JMY: variants seen among roughly 807,000 people sequenced by gnomAD.
JMY encodes the protein junction-mediating and -regulatory protein.
A neutral mutation model predicts 103.3 loss-of-function variants in JMY; 46 were observed. That is an observed-to-expected ratio of 0.45 (90% CI 0.35 to 0.57). The LOEUF (loss-of-function observed/expected upper bound fraction) is 0.57, where lower values mean the gene tolerates loss of function less well. JMY is among the 20% of genes least tolerant of loss of function. The pLI, the probability that JMY is intolerant of heterozygous loss-of-function variation, is 0.00. For missense variants in JMY, 1,238 were observed against 1,255.2 expected, an observed-to-expected ratio of 0.99 and a Z score of 0.21; for synonymous variants, 526 against 489.3, an observed-to-expected ratio of 1.07 and a Z score of -0.99.
intron 7 of JMY, among the ~76,000 whole-genome samples, chr5:79,311,221 A>G (rs920094124): frequency 2.0e-5 from 3 of 150,958 alleles, no homozygotes; most frequent in African/African-American, 7.3e-5. Flanking sequence ...CCTGGCCTCA[A>G]GCAATCCTCC....
At chr5:79,259,774 A>G (rs559258843) in intron 1 of JMY, among the ~76,000 whole-genome samples, 1 of 152,314 alleles carries the variant, frequency 6.6e-6, no homozygotes. Context: ...GATATTGAGG[A>G]AAGTCCAGGC....
intron 7 of JMY, among the ~76,000 whole-genome samples, chr5:79,309,656 A>G (rs144868619): frequency 5.3e-5 from 8 of 152,352 alleles, no homozygotes; most frequent in Non-Finnish European, 1.2e-4. Context: ...ATTCTTAGCT[A>G]ATGCTGCCCC....
intron 8 of JMY, 53 bp from the exon 9 acceptor site, chr5:79,314,204 C>T (rs989625631): frequency 1.4e-5 from 21 of 1,543,198 alleles, no homozygotes; most frequent in East Asian, 2.3e-5. Context: ...GGCATGTGCT[C>T]ATAAATTGTT....
intron 1 of JMY, among the ~76,000 whole-genome samples, chr5:79,263,975 C>G (rs940017750): frequency 4.6e-5 from 7 of 150,890 alleles, no homozygotes; most frequent in Non-Finnish European, 1.0e-4. Flanking sequence ...TTAGTAGAGA[C>G]GGGGTTTCAC....
chr5:79,275,627 C>A (rs75845781), intron 1 of JMY, among the ~76,000 whole-genome samples: 266 of 152,312 alleles, frequency 1.7e-3, no homozygotes, highest in African/African-American at 5.5e-3. Flanking sequence ...GTAGTGCCTA[C>A]AGGCAGTTGT....
rs1429588432 is a variant in JMY, at chr5:79,300,849, C to T, written c.1867C>T (p.Leu623Phe). The T allele has an allele frequency of 9.4e-6, 15 of 1,588,840 alleles. No individual in the cohort carries two copies. Among genetic ancestry groups the T allele is most frequent in the Non-Finnish European group, 1.3e-5 (15 of 1,171,768 alleles). Reference protein sequence around the residue: ...RGRVSAKKSYLRNKKEICIAK... With the variant: ...RGRVSAKKSYFRNKKEICIAK... ...ACGGGTTTCTGCCAAGAAATCCTAC[C>T]TCAGAAATAAAAAGGTATTTAAATA... The change falls in exon 6 of 11, where the codon CTC (leucine) becomes TTC (phenylalanine). Residue 623 changes from leucine to phenylalanine, a missense_variant. Transcript: ENST00000396137.
At chr5:79,289,252 AAGG>A (rs1746356304) in intron 2 of JMY, among the ~76,000 whole-genome samples, 2 of 151,584 alleles carry the variant, frequency 1.3e-5, no homozygotes, top group South Asian at 2.1e-4. Flanking sequence ...AAAAAAAAAA[AAGG>A]AGAATATGGG....
At position 79,324,001 on chromosome 5, in the gene JMY, C is replaced by G. The variant is rs1209203706; in HGVS notation, c.*2399C>G. The G allele has an allele frequency of 3.9e-5, 6 of 152,178 alleles. No individual in the cohort carries two copies. 9.4% of individuals were successfully genotyped at this position (152,178 alleles called of 1,614,324 possible). A position where few individuals can be genotyped will look rare whatever the true frequency, so the allele number is the denominator to read the frequency against. ...TGCCCATCCTCTTGTAAATAACTTT[C>G]CAACACACCCATTTCCTTGCCTTAA... On this transcript the variant is annotated 3_prime_UTR_variant, in exon 11 of 11. Transcript: ENST00000396137.
At chr5:79,252,065 C>T (rs1302474650) in intron 1 of JMY, among the ~76,000 whole-genome samples, 1 of 152,084 alleles carries the variant, frequency 6.6e-6, no homozygotes, top group African/African-American at 2.4e-5. Flanking sequence ...CATGAGCCAC[C>T]ATGCCCAGCC....
intron 9 of JMY, among the ~76,000 whole-genome samples, chr5:79,315,057 A>T: frequency 6.6e-6 from 1 of 152,198 alleles, no homozygotes; most frequent in Non-Finnish European, 1.5e-5. Flanking sequence ...GGCATGTTTT[A>T]AAAACAGATC....
In JMY at chr5:79,237,531, G is replaced by C; in HGVS notation, c.881G>C (p.Gly294Ala). Residue 294 changes from glycine (G) to alanine (A), a missense_variant, in exon 1 of 11, where the codon GGC (glycine) becomes GCC (alanine). Gly to Ala is a moderately conservative substitution (Grantham distance 60, BLOSUM62 0). Transcript: ENST00000396137. The part of the protein sequence containing the change: ...TLCYQLQVYL[G>A]HGLDTCGWKI... ...TGTTACCAGCTCCAGGTCTACCTGG[G>C]CCACGGCCTGGACACCTGCGGCTGG... The C allele has an allele frequency of 6.2e-7, 1 of 1,613,746 alleles. No homozygotes were observed. Among genetic ancestry groups the C allele is most frequent in the Non-Finnish European group, 8.5e-7 (1 of 1,180,014 alleles).
intron 1 of JMY, among the ~76,000 whole-genome samples, chr5:79,273,900 G>A (rs1054622069): frequency 5.3e-5 from 8 of 151,616 alleles, no homozygotes; most frequent in African/African-American, 1.2e-4. Context: ...GCGCTATCTC[G>A]GCTCACTGCA....
At chr5:79,316,337 C>G (rs1191549420) in intron 10 of JMY, 27 bp downstream of exon 10, 2 of 1,518,964 alleles carry the variant, frequency 1.3e-6, no homozygotes, top group Admixed American at 3.9e-5. Flanking sequence ...TCTTTAGTAG[C>G]ATTCAGTAAT....
chr5:79,278,016 A>G lies in JMY; in HGVS notation c.1139A>G (p.Tyr380Cys), dbSNP rs774133482. Residue 380 changes from tyrosine (Y) to cysteine (C), a missense_variant, in exon 2 of 11, where the codon TAT becomes TGT. By Grantham distance (194) the Tyr-to-Cys change is radical. Coordinates refer to ENST00000396137, the MANE Select transcript of JMY (RefSeq NM_152405.5). ...CTTGCAGAAGCTACAACCGAACTCT[A>G]TCAGTATTTACTACAGCCATTCCGA... is the stretch of plus-strand genomic sequence containing the variant. ...SSLAEATTEL[Y>C]QYLLQPFRDM... 7 of 1,613,990 alleles carry G rather than the reference A, an allele frequency of 4.3e-6. No homozygotes were observed. Among genetic ancestry groups the G allele is most frequent in the African/African-American group, 2.7e-5 (2 of 74,914 alleles).
intron 2 of JMY, among the ~76,000 whole-genome samples, chr5:79,279,719 C>T (rs1284971063): frequency 6.6e-6 from 1 of 152,086 alleles, no homozygotes; most frequent in African/African-American, 2.4e-5. Flanking sequence ...AATAGCTGTG[C>T]TGTCAGCTTT....
intron 1 of JMY, among the ~76,000 whole-genome samples, chr5:79,269,560 A>G (rs1238430378): frequency 2.6e-5 from 4 of 152,218 alleles, no homozygotes; most frequent in Admixed American, 1.3e-4. Context: ...GAGTCTTCCT[A>G]TGCATACACA....
chr5:79,312,517 C>A lies in JMY; in HGVS notation c.2064+19C>A. ...TAAACAGGTATTAAAAGTAATGGTC[C>A]ATTTATTGTTTTTCTTTTTTTTTTT... On this transcript the variant is annotated intron_variant, in intron 8 of 10. Transcript: ENST00000396137. 3 of 1,286,840 alleles carry A rather than the reference C, an allele frequency of 2.3e-6. No individual in the cohort carries two copies. The highest frequency in any genetic ancestry group is 3.2e-6 in the Non-Finnish European group (3 of 944,374). 79.7% of individuals were successfully genotyped at this position (1,286,840 alleles called of 1,614,324 possible).
At chr5:79,254,202 C>T (rs1181373279) in intron 1 of JMY, among the ~76,000 whole-genome samples, 16 of 151,934 alleles carry the variant, frequency 1.1e-4, no homozygotes, top group Admixed American at 8.5e-4. Flanking sequence ...CGTGATCTGC[C>T]CGCCTCAGCC....
Position 79,306,405 on chromosome 5 carries a change from A to T in JMY, c.1912A>T (p.Ile638Phe). The change falls in exon 7 of 11, where the codon ATC becomes TTC. Residue 638 changes from isoleucine to phenylalanine, a missense_variant. Ile to Phe is a conservative substitution (Grantham distance 21, BLOSUM62 0). Coordinates refer to ENST00000396137, the MANE Select transcript of JMY (RefSeq NM_152405.5). ...ATGTATTGCAAAACACAATGAAAAA[A>T]TCCAACAGCGCACTCGGATTGAAGA... ...EICIAKHNEK[I>F]QQRTRIEDEY... 6.2e-7 allele frequency: 1 copy of T among 1,613,322 alleles called. No homozygotes were observed. Among genetic ancestry groups the T allele is most frequent in the Non-Finnish European group, 8.5e-7 (1 of 1,179,340 alleles).
Sources: gnomAD v4.1 joint callset for allele counts (sites outside exome capture counted in the v4.1 genomes callset) on GRCh38, gnomAD v4.1.1 for gene constraint, MANE v1.5 for transcripts, NCBI Gene and HGNC (gene_info 2026-07-23, HGNC 2026-07-21) for gene names.